The following SDK1 variants were observed in gnomAD, a reference collection of about 807,000 sequenced individuals.
SDK1 encodes sidekick cell adhesion molecule 1.
Under a neutral mutation model 245.5 loss-of-function variants are expected in SDK1, and 157 were observed. That is an observed-to-expected ratio of 0.64 (90% CI 0.56 to 0.73). The LOEUF (loss-of-function observed/expected upper bound fraction) is 0.73. Among genes scored for constraint, SDK1 ranks in the 30% least tolerant of loss-of-function variants. SDK1 has a pLI of 0.00. For missense variants in SDK1, 3,583 were observed against 3,002.3 expected (o/e 1.19, Z -4.52); for synonymous variants, 1,647 against 1,278.5 (o/e 1.29, Z -6.15).
chr7:3,788,396 G>C (rs1780973629), intron 4 of SDK1, among the ~76,000 whole-genome samples: 1 of 152,188 alleles, frequency 6.6e-6, no homozygotes, highest in Non-Finnish European at 1.5e-5. Context: ...TGCCAGGCCG[G>C]AGAGTCTGTG....
rs1240017364 is a variant in SDK1 at position 4,074,886 on chromosome 7, GTATATATATATATATA to G, written c.3011-2096_3011-2081del. ...TCTCTCTCTCTCTCTCTCTCTCTCT[GTATATATATATATATA>G]TATATATATATATATTTTTTTTTTT... On this transcript the variant is annotated intron_variant, in intron 20 of 44. Coordinates refer to ENST00000404826, the MANE Select transcript of SDK1 (RefSeq NM_152744.4). Among the ~76,000 whole-genome samples, 4 of 48,124 alleles carry G rather than the reference GTATATATATATATATA, an allele frequency of 8.3e-5. 1 individual carries two copies. The highest frequency in any genetic ancestry group is 9.7e-4 in the South Asian group (1 of 1,030). The allele number at this position is 48,124 out of a possible 152,430, so 31.6% of individuals were successfully genotyped here.
rs1780547286 is a variant in SDK1 at position 3,582,702 on chromosome 7, A to G, written c.299-36378A>G. Among the ~76,000 whole-genome samples the G allele has an allele frequency of 3.3e-5, 5 of 150,938 alleles. 1 individual carries two copies. In the South Asian group the frequency reaches 1.0e-3, roughly 32 times the overall value. On this transcript the variant is annotated intron_variant, in intron 1 of 44. Coordinates refer to ENST00000404826, the MANE Select transcript of SDK1 (RefSeq NM_152744.4). ...CTAAAGTAAAAAAAAAAAAAAAAAA[A>G]AAAAAAAGGTACCATCAGGGCTAGT...
intron 2 of SDK1, among the ~76,000 whole-genome samples, chr7:3,621,532 G>C (rs1170912607): frequency 6.6e-6 from 1 of 152,224 alleles, no homozygotes; most frequent in Non-Finnish European, 1.5e-5. Flanking sequence ...CTGGTGGCCA[G>C]GCTACACGCC....
At chr7:3,754,421 CTT>C (rs1000632780) in intron 4 of SDK1, among the ~76,000 whole-genome samples, 19 of 152,236 alleles carry the variant, frequency 1.2e-4, no homozygotes, top group African/African-American at 4.6e-4. Flanking sequence ...AAAGAAAACT[CTT>C]TTATTGAAGC....
chr7:4,216,608 T>C (rs1168601105), intron 38 of SDK1, among the ~76,000 whole-genome samples: 1 of 152,210 alleles, frequency 6.6e-6, no homozygotes, highest in Non-Finnish European at 1.5e-5. Flanking sequence ...TCAGGCATCC[T>C]TGAAGTATAT....
chr7:4,151,176 C>T (rs934735532), intron 30 of SDK1, among the ~76,000 whole-genome samples: 1 of 152,182 alleles, frequency 6.6e-6, no homozygotes, highest in Non-Finnish European at 1.5e-5. Context: ...TCACACGGAC[C>T]ATCGGGAACC....
chr7:4,208,324 G>A, intron 37 of SDK1, 39 bp downstream of exon 37: 1 of 1,585,986 alleles, frequency 6.3e-7, no homozygotes, highest in Non-Finnish European at 8.6e-7. Flanking sequence ...AGGCCTCCTT[G>A]GACACGTGTT....
At chr7:4,171,465 C>A (rs1212586612) in intron 32 of SDK1, among the ~76,000 whole-genome samples, 1 of 152,184 alleles carries the variant, frequency 6.6e-6, no homozygotes, top group Non-Finnish European at 1.5e-5. Flanking sequence ...AGCTGGGTGT[C>A]TTGTTTTTTT....
At chr7:3,835,169 C>G (rs1662177921) in intron 5 of SDK1, among the ~76,000 whole-genome samples, 1 of 152,164 alleles carries the variant, frequency 6.6e-6, no homozygotes, top group Admixed American at 6.5e-5. Flanking sequence ...GGACAAGTGA[C>G]TTGAAGGTCA....
chr7:3,771,038 C>T (rs1363761492), intron 4 of SDK1, among the ~76,000 whole-genome samples: 2 of 152,016 alleles, frequency 1.3e-5, no homozygotes, highest in Non-Finnish European at 2.9e-5. Context: ...TTTGTTTGTC[C>T]CTTGCACTAA....
intron 1 of SDK1, among the ~76,000 whole-genome samples, chr7:3,547,243 G>C (rs147794508): frequency 1.3e-5 from 2 of 152,174 alleles, no homozygotes; most frequent in African/African-American, 4.8e-5. Flanking sequence ...CATATTTAAG[G>C]TTGGATAAAA....
At chr7:3,679,513 G>A (rs1784031349) in intron 4 of SDK1, among the ~76,000 whole-genome samples, 1 of 152,048 alleles carries the variant, frequency 6.6e-6, no homozygotes, top group Non-Finnish European at 1.5e-5. Flanking sequence ...CTTGCAGTGA[G>A]CCGAGATCGT....
At chr7:4,034,164 A>G (rs539325215) in intron 17 of SDK1, among the ~76,000 whole-genome samples, 1 of 152,226 alleles carries the variant, frequency 6.6e-6, no homozygotes, top group Admixed American at 6.5e-5. Flanking sequence ...CAAACTAGGA[A>G]CATATTGCAC....
chr7:3,707,145 G>T (rs1308646583), intron 4 of SDK1, among the ~76,000 whole-genome samples: 1 of 152,086 alleles, frequency 6.6e-6, no homozygotes, highest in Non-Finnish European at 1.5e-5. Context: ...TATGACATTA[G>T]ATTGTCAATT....
chr7:4,232,030 C>A (rs1785806144), intron 40 of SDK1, among the ~76,000 whole-genome samples: 1 of 148,454 alleles, frequency 6.7e-6, no homozygotes, highest in Non-Finnish European at 1.5e-5. Flanking sequence ...AACATTTTGG[C>A]CTCTGAGCCT....
rs368699957 is a variant in SDK1, at chr7:4,040,401, A to T, written c.2603-8947A>T. 8.5e-5 allele frequency among the ~76,000 whole-genome samples: 13 copies of T among 152,282 alleles called. No homozygotes were observed. The East Asian group carries it at 2.5e-3, about 29-fold the overall frequency. ...ACAACTCACAACCTACTTACACACA[A>T]GTCGAACCACATTGTGAAGCGGCAT... On this transcript the variant is annotated intron_variant, in intron 17 of 44. Coordinates refer to ENST00000404826, the MANE Select transcript of SDK1 (RefSeq NM_152744.4).
intron 32 of SDK1, among the ~76,000 whole-genome samples, chr7:4,167,575 A>G (rs1318393480): frequency 6.6e-6 from 1 of 152,212 alleles, no homozygotes; most frequent in Non-Finnish European, 1.5e-5. Context: ...GCCAGGGTGC[A>G]GTGACACACA....
chr7:3,469,889 T>TA (rs1269807794), intron 1 of SDK1, among the ~76,000 whole-genome samples: 1 of 152,184 alleles, frequency 6.6e-6, no homozygotes, highest in Non-Finnish European at 1.5e-5. Flanking sequence ...AATTAAGACA[T>TA]ACGAAAATAA....
intron 1 of SDK1, among the ~76,000 whole-genome samples, chr7:3,432,887 A>G (rs765702005): frequency 2.0e-5 from 3 of 152,230 alleles, no homozygotes; most frequent in Non-Finnish European, 4.4e-5. Context: ...TCTAGGAAGA[A>G]TTTCATGGCT....
Sources: allele counts gnomAD v4.1 joint callset (sites outside exome capture counted in the v4.1 genomes callset), GRCh38; gene constraint gnomAD v4.1.1; transcripts MANE v1.5; gene names NCBI Gene and HGNC (gene_info 2026-07-23, HGNC 2026-07-21).